The following CSMD1 variants were observed in gnomAD, a reference collection of about 807,000 sequenced individuals.
CSMD1 encodes the protein CUB and Sushi multiple domains 1.
A neutral mutation model predicts 417.5 loss-of-function variants in CSMD1; 213 were observed. That is an observed-to-expected ratio of 0.51 (90% CI 0.46 to 0.57). The LOEUF is 0.57. Ranked by LOEUF, CSMD1 falls within the 20% of genes least tolerant of loss-of-function variation. The pLI is 0.00. For synonymous variants in CSMD1, 2,862 were observed against 1,736.8 expected (o/e 1.65, Z -16.11); for missense variants, 6,923 against 4,529.7 (o/e 1.53, Z -15.17).
intron 1 of CSMD1, among the ~76,000 whole-genome samples, chr8:4,842,638 G>C (rs1213731618): frequency 6.6e-6 from 1 of 152,194 alleles, no homozygotes; most frequent in African/African-American, 2.4e-5. Context: ...ACACTCAGTA[G>C]TGTTCTTCTC....
intron 1 of CSMD1, among the ~76,000 whole-genome samples, chr8:4,761,080 T>A (rs12542163): frequency 0.049 from 7,425 of 152,234 alleles, 305 homozygotes; most frequent in Admixed American, 0.1. Context: ...GAAGTATGTG[T>A]TTGTTAATCA....
At chr8:3,629,309 A>ATGATT (rs1563213671) in intron 7 of CSMD1, among the ~76,000 whole-genome samples, 1 of 144,350 alleles carries the variant, frequency 6.9e-6, no homozygotes, top group Non-Finnish European at 1.6e-5. Flanking sequence ...CTTACTTAAT[A>ATGATT]TTATTTTCTT....
At chr8:3,063,713 G>A (rs1448696729) in intron 49 of CSMD1, among the ~76,000 whole-genome samples, 5 of 152,156 alleles carry the variant, frequency 3.3e-5, no homozygotes, top group South Asian at 2.1e-4. Flanking sequence ...GACACTATGC[G>A]AAGTGAAGCC....
chr8:4,879,792 T>G (rs902662980), intron 1 of CSMD1, among the ~76,000 whole-genome samples: 6 of 152,092 alleles, frequency 3.9e-5, no homozygotes, highest in Non-Finnish European at 8.8e-5. Flanking sequence ...TGAATGCATT[T>G]AACCATGTAT....
At chr8:3,723,716 A>G (rs951591021) in intron 6 of CSMD1, among the ~76,000 whole-genome samples, 5 of 152,162 alleles carry the variant, frequency 3.3e-5, no homozygotes, top group Admixed American at 6.5e-5. Context: ...GTGCTTTTTT[A>G]CTTATTGCAC....
intron 2 of CSMD1, among the ~76,000 whole-genome samples, chr8:4,445,850 T>C (rs766088134): frequency 5.3e-4 from 80 of 152,320 alleles, no homozygotes; most frequent in Admixed American, 9.8e-4. Context: ...ACATCTTCAA[T>C]GCAGAAGTGT....
chr8:3,271,355 T>A (rs1452896568), intron 26 of CSMD1, among the ~76,000 whole-genome samples: 1 of 152,002 alleles, frequency 6.6e-6, no homozygotes, highest in Non-Finnish European at 1.5e-5. Context: ...TGGTTCCAAG[T>A]CTTTGCTATT....
At chr8:3,670,700 A>G (rs1314172787) in intron 7 of CSMD1, among the ~76,000 whole-genome samples, 1 of 148,008 alleles carries the variant, frequency 6.8e-6, no homozygotes, top group Non-Finnish European at 1.5e-5. Flanking sequence ...ATATATGTAT[A>G]TGGGATATAT....
intron 2 of CSMD1, among the ~76,000 whole-genome samples, chr8:4,424,908 T>C (rs1797457570): frequency 6.6e-6 from 1 of 152,082 alleles, no homozygotes; most frequent in African/African-American, 2.4e-5. Context: ...GATCTCACAT[T>C]AAATAATTAA....
At chr8:3,625,722 T>C (rs1166811865) in intron 7 of CSMD1, among the ~76,000 whole-genome samples, 1 of 152,166 alleles carries the variant, frequency 6.6e-6, no homozygotes. Context: ...TCATTCAACA[T>C]TATTCTTACT....
chr8:4,278,641 A>T (rs1796614271), intron 3 of CSMD1, among the ~76,000 whole-genome samples: 1 of 152,238 alleles, frequency 6.6e-6, no homozygotes. Flanking sequence ...CTACGAATTC[A>T]ACATAAAGTG....
At position 4,862,899 on chromosome 8, in the gene CSMD1, C is replaced by T. The variant is rs578027796; in HGVS notation, c.85+131433G>A. 5.3e-5 allele frequency among the ~76,000 whole-genome samples: 8 copies of T among 151,934 alleles called. No individual in the cohort carries two copies. In the South Asian group the frequency reaches 1.7e-3, roughly 32 times the overall value. On this transcript the variant is annotated intron_variant, in intron 1 of 69. Transcript: ENST00000635120. ...GAACATGAGGAAGGACTGGTAGAGC[C>T]GTGGGAGACACAGCACCAAGAGAGG... is the stretch of plus-strand genomic sequence containing the variant.
At chr8:4,051,439 T>A (rs1798419819) in intron 3 of CSMD1, among the ~76,000 whole-genome samples, 1 of 152,012 alleles carries the variant, frequency 6.6e-6, no homozygotes, top group African/African-American at 2.4e-5. Context: ...TTGAAAACGC[T>A]TTGGCAGAAT....
intron 30 of CSMD1, among the ~76,000 whole-genome samples, chr8:3,207,580 A>G (rs192141121): frequency 6.6e-5 from 10 of 152,326 alleles, no homozygotes; most frequent in Admixed American, 5.2e-4. Flanking sequence ...TCCTTAGAAT[A>G]TGGTAATGCT....
chr8:3,403,582 G>A (rs894273142), intron 15 of CSMD1, among the ~76,000 whole-genome samples: 1 of 152,160 alleles, frequency 6.6e-6, no homozygotes, highest in Non-Finnish European at 1.5e-5. Flanking sequence ...CACTCACCCT[G>A]CAGGTTGTAA....
At chr8:4,612,078 G>C (rs1363528801) in intron 2 of CSMD1, among the ~76,000 whole-genome samples, 2 of 152,120 alleles carry the variant, frequency 1.3e-5, no homozygotes, top group Non-Finnish European at 2.9e-5. Context: ...GAGGATAGAA[G>C]AGTGCTGGGA....
intron 4 of CSMD1, among the ~76,000 whole-genome samples, chr8:4,026,085 T>C (rs1055508328): frequency 6.6e-6 from 1 of 151,938 alleles, no homozygotes; most frequent in Admixed American, 6.6e-5. Flanking sequence ...AAGCAGAATA[T>C]ATACTCATTT....
chr8:4,777,294 G>C (rs1796903020), intron 1 of CSMD1, among the ~76,000 whole-genome samples: 1 of 152,204 alleles, frequency 6.6e-6, no homozygotes, highest in Admixed American at 6.5e-5. Context: ...AATTGACTCA[G>C]TAGGTGGACG....
intron 15 of CSMD1, 35 bp from the exon 16 acceptor site, chr8:3,399,564 T>A (rs759564826): frequency 1.4e-5 from 21 of 1,519,164 alleles, no homozygotes; most frequent in African/African-American, 4.2e-5. Flanking sequence ...TTAGATCCAA[T>A]GAGACAGAAG....
Sources: gnomAD v4.1 joint callset for allele counts (sites outside exome capture counted in the v4.1 genomes callset) on GRCh38, gnomAD v4.1.1 for gene constraint, MANE v1.5 for transcripts, NCBI Gene and HGNC (gene_info 2026-07-23, HGNC 2026-07-21) for gene names.